The following NUP155 variants were observed in gnomAD, a reference collection of about 807,000 sequenced individuals.
NUP155 encodes the protein nucleoporin 155.
NUP155 carries 71 observed loss-of-function variants against 180.4 expected under a neutral mutation model. The ratio of observed to expected loss-of-function variants is 0.39; its 90% CI spans 0.33 to 0.48. The LOEUF (loss-of-function observed/expected upper bound fraction) is 0.48, where lower values mean the gene tolerates loss of function less well. NUP155 is among the 20% of genes least tolerant of loss of function. The pLI, the probability that NUP155 is intolerant of heterozygous loss-of-function variation, is 0.91. For synonymous variants in NUP155, 582 were observed against 559.5 expected, an observed-to-expected ratio of 1.04 and a Z score of -0.57; for missense variants, 1,553 against 1,648.9, an observed-to-expected ratio of 0.94 and a Z score of 1.01.
rs1354141660 is a variant in NUP155, at chr5:37,325,781, A to AAT, written c.2091+119_2091+120insAT. The AAT allele has an allele frequency of 6.0e-6, 4 of 669,164 alleles. No individual in the cohort carries two copies. In the African/African-American group the frequency reaches 7.5e-5, roughly 12 times the overall value. The allele number at this position is 669,164 out of a possible 1,614,324, so 41.5% of individuals were successfully genotyped here. ...AGGACTCTGTCTCAAAAAAAAAAAAAAAAAAAAAAATAACCTTTGCCATCT... is the reference window on the plus strand; with the variant it reads ...AGGACTCTGTCTCAAAAAAAAAAAAAATAAAAAAAAAATAACCTTTGCCATCT... On this transcript the variant is annotated intron_variant, in intron 19 of 34. Coordinates refer to ENST00000231498, the MANE Select transcript of NUP155 (RefSeq NM_153485.3).
chr5:37,302,729 T>C (rs771069470), intron 29 of NUP155, 50 bp downstream of exon 29: 2 of 1,596,710 alleles, frequency 1.3e-6, no homozygotes, highest in South Asian at 2.2e-5. Context: ...GTGGAATAAC[T>C]ATGTGGCTAG....
At chr5:37,356,808 C>T (rs1052568282) in intron 4 of NUP155, among the ~76,000 whole-genome samples, 5 of 151,978 alleles carry the variant, frequency 3.3e-5, no homozygotes, top group South Asian at 2.1e-4. Context: ...CTCACTTCCA[C>T]GGGCCATCAA....
rs1747518236 is a variant in NUP155, at chr5:37,365,711, G to GAAAAAAA, written c.158-1328_158-1327insTTTTTTT. Among the ~76,000 whole-genome samples, 7 of 34,014 alleles carry GAAAAAAA rather than the reference G, an allele frequency of 2.1e-4. 2 individuals are homozygous for GAAAAAAA. The highest frequency in any genetic ancestry group is 4.8e-4 in the Admixed American group (1 of 2,078). 22.3% of individuals were successfully genotyped at this position (34,014 alleles called of 152,430 possible). On this transcript the variant is annotated intron_variant, in intron 1 of 34. Coordinates refer to ENST00000231498, the MANE Select transcript of NUP155 (RefSeq NM_153485.3). ...TGACAGAGCAAGACTCTGTCTCGGG[G>GAAAAAAA]AGAAAAAAAAAAAAAAAAAAAAAAA...
At chr5:37,342,683 T>C in intron 9 of NUP155, 37 bp from the exon 10 acceptor site, 1 of 1,236,654 alleles carries the variant, frequency 8.1e-7, no homozygotes, top group East Asian at 2.3e-5. Flanking sequence ...ATTTTTAAAA[T>C]GTGTCTGCTA....
intron 9 of NUP155, among the ~76,000 whole-genome samples, chr5:37,345,657 C>T (rs1444627586): frequency 6.6e-6 from 1 of 151,734 alleles, no homozygotes; most frequent in Admixed American, 6.6e-5. Context: ...GTAATCACAA[C>T]ACTTTGGGAG....
In NUP155 at chr5:37,324,218, A is replaced by T. The variant is rs1048882064; in HGVS notation, c.2092-111T>A. ...ATCTCTATAGTTATTTCTTGTATCAATTCACACCTGTTGATCCGAATAAAG... is the reference window on the plus strand; with the variant it reads ...ATCTCTATAGTTATTTCTTGTATCATTTCACACCTGTTGATCCGAATAAAG... On this transcript the variant is annotated intron_variant, in intron 19 of 34. Transcript: ENST00000231498. 9 of 735,030 alleles carry T rather than the reference A, an allele frequency of 1.2e-5. No individual in the cohort carries two copies. The South Asian group carries it at 1.4e-4, about 11-fold the overall frequency. 45.5% of individuals were successfully genotyped at this position (735,030 alleles called of 1,614,324 possible). A position where few individuals can be genotyped will look rare whatever the true frequency, so the allele number is the denominator to read the frequency against.
intron 25 of NUP155, 83 bp downstream of exon 25, chr5:37,307,212 AAC>A: frequency 3.6e-6 from 5 of 1,400,138 alleles, no homozygotes; most frequent in East Asian, 4.6e-5. Flanking sequence ...AAAAAAAAAA[AAC>A]ATAAAACAAA....
intron 16 of NUP155, among the ~76,000 whole-genome samples, chr5:37,328,935 C>A (rs1190441864): frequency 6.6e-6 from 1 of 152,208 alleles, no homozygotes; most frequent in Non-Finnish European, 1.5e-5. Flanking sequence ...ATTATTAAAT[C>A]ATTCATCTGT....
At chr5:37,313,291 C>T (rs1424791349) in intron 22 of NUP155, among the ~76,000 whole-genome samples, 1 of 151,760 alleles carries the variant, frequency 6.6e-6, no homozygotes, top group Non-Finnish European at 1.5e-5. Context: ...ATTAGCTGGG[C>T]GTGGTGGCAT....
intron 13 of NUP155, among the ~76,000 whole-genome samples, chr5:37,333,092 C>T (rs1183573029): frequency 6.6e-6 from 1 of 152,166 alleles, no homozygotes; most frequent in Admixed American, 6.6e-5. Flanking sequence ...CAATGGCTCA[C>T]ACCTGTAATC....
chr5:37,354,457 CT>C (rs34505360), intron 4 of NUP155, among the ~76,000 whole-genome samples: 49,166 of 114,970 alleles, frequency 0.43, 9,365 homozygotes, highest in African/African-American at 0.54. Context: ...TTTATTTCTT[CT>C]TTTTTTTTTT....
In NUP155 at chr5:37,289,825, A is replaced by T. The variant is rs575565719; in HGVS notation, c.*2075T>A. The T allele has an allele frequency of 9.2e-5, 14 of 152,226 alleles. No homozygotes were observed. The highest frequency in any genetic ancestry group is 1.9e-4 in the Non-Finnish European group (13 of 68,042). 9.4% of individuals were successfully genotyped at this position (152,226 alleles called of 1,614,324 possible). ...CACACCTAAATTACAACATTCAGAC[A>T]AGGCCTTCCTTTTAAGTAGACATGA... On this transcript the variant is annotated 3_prime_UTR_variant, in exon 35 of 35. Transcript: ENST00000231498.
intron 20 of NUP155, among the ~76,000 whole-genome samples, chr5:37,321,979 G>C (rs1744276276): frequency 6.6e-6 from 1 of 151,776 alleles, no homozygotes; most frequent in South Asian, 2.1e-4. Flanking sequence ...CCTCAGCCTA[G>C]CTAGTAGCTG....
At position 37,365,752 on chromosome 5, in the gene NUP155, T is replaced by TATATATAC. The variant is rs1403169370; in HGVS notation, c.158-1369_158-1368insGTATATAT. Among the ~76,000 whole-genome samples the TATATATAC allele has an allele frequency of 2.0e-3, 74 of 37,900 alleles. 1 individual carries two copies. Among genetic ancestry groups the TATATATAC allele is most frequent in the African/African-American group, 3.2e-3 (30 of 9,236 alleles). 24.9% of individuals were successfully genotyped at this position (37,900 alleles called of 152,430 possible). ...AAAAAAAAAAAAATATATATATATA[T>TATATATAC]ACACACACACACACACACACACACA... is the stretch of plus-strand genomic sequence containing the variant. On this transcript the variant is annotated intron_variant, in intron 1 of 34. Transcript: ENST00000231498.
chr5:37,310,602 G>GT lies in NUP155; in HGVS notation c.2577dup (p.Gln860ThrfsTer9), dbSNP rs750134095. The GT allele has an allele frequency of 1.9e-6, 3 of 1,613,656 alleles. No homozygotes were observed. Among genetic ancestry groups the GT allele is most frequent in the Non-Finnish European group, 2.5e-6 (3 of 1,179,748 alleles). ...CTATATAGAAGTGGGCAGATATCCT[G>GT]TAAATGTAAACTAATGCCATCAACA... On this transcript the variant is annotated frameshift_variant, in exon 23 of 35. Coordinates refer to ENST00000231498, the MANE Select transcript of NUP155 (RefSeq NM_153485.3). LOFTEE classifies it high-confidence loss of function.
At chr5:37,328,680 C>G (rs553052602) in intron 16 of NUP155, among the ~76,000 whole-genome samples, 1 of 152,088 alleles carries the variant, frequency 6.6e-6, no homozygotes. Context: ...ACTTTTTGTA[C>G]TTTTAGTAGA....
intron 31 of NUP155, 65 bp downstream of exon 31, chr5:37,299,383 A>G (rs1742746265): frequency 1.3e-6 from 2 of 1,582,316 alleles, no homozygotes; most frequent in East Asian, 2.2e-5. Context: ...AGTTACTAGC[A>G]GCTTGCATTC....
chr5:37,355,070 C>T (rs372127261), intron 4 of NUP155, among the ~76,000 whole-genome samples: 16 of 149,158 alleles, frequency 1.1e-4, no homozygotes, highest in East Asian at 8.2e-4. Flanking sequence ...CCAGCCTGGG[C>T]GACAGAATGA....
Position 37,305,048 on chromosome 5 carries a change from G to A in NUP155, c.3057+9C>T, listed in dbSNP as rs993420566. On this transcript the variant is annotated intron_variant, in intron 26 of 34. Transcript: ENST00000231498. ...TATTCTCAGAATGAAAATATACTATGTCCCTTACATGATGTCCTGCTTCTT... is the reference window on the plus strand; with the variant it reads ...TATTCTCAGAATGAAAATATACTATATCCCTTACATGATGTCCTGCTTCTT... 4 of 1,612,576 alleles carry A rather than the reference G, an allele frequency of 2.5e-6. No individual in the cohort carries two copies. The African/African-American group carries it at 5.3e-5, about 22-fold the overall frequency.
Sources: allele counts gnomAD v4.1 joint callset (sites outside exome capture counted in the v4.1 genomes callset), GRCh38; gene constraint gnomAD v4.1.1; transcripts MANE v1.5; gene names NCBI Gene and HGNC (gene_info 2026-07-23, HGNC 2026-07-21).